The following ST6GALNAC5 variants were observed in gnomAD, a reference collection of about 807,000 sequenced individuals.
The protein encoded by ST6GALNAC5 is ST6 N-acetylgalactosaminide alpha-2,6-sialyltransferase 5, also known as alpha-N-acetylgalactosaminide alpha-2,6-sialyltransferase 5.
A neutral mutation model predicts 33.6 loss-of-function variants in ST6GALNAC5; 27 were observed. The observed-to-expected ratio is 0.80, with a 90% CI of 0.59 to 1.11. The LOEUF (loss-of-function observed/expected upper bound fraction) is 1.11. ST6GALNAC5 is among the 50% of genes least tolerant of loss of function. ST6GALNAC5 has a pLI of 0.00. For missense variants in ST6GALNAC5, 428 were observed against 454.0 expected (o/e 0.94, Z 0.52); for synonymous variants, 194 against 171.2 (o/e 1.13, Z -1.04).
intron 2 of ST6GALNAC5, among the ~76,000 whole-genome samples, chr1:76,989,457 A>G (rs1172265633): frequency 1.3e-5 from 2 of 152,114 alleles, no homozygotes; most frequent in African/African-American, 2.4e-5. Flanking sequence ...TCATGGCAAG[A>G]CATTTGTTCA....
At chr1:76,954,804 T>G (rs1023000242) in intron 2 of ST6GALNAC5, among the ~76,000 whole-genome samples, 2 of 152,158 alleles carry the variant, frequency 1.3e-5, no homozygotes, top group East Asian at 3.9e-4. Context: ...ATGGCCTCTG[T>G]GGTCAAATGG....
intron 2 of ST6GALNAC5, among the ~76,000 whole-genome samples, chr1:76,880,590 C>T (rs556708587): frequency 3.3e-5 from 5 of 152,220 alleles, no homozygotes; most frequent in South Asian, 2.1e-4. Context: ...GTCCAGTGTT[C>T]GAGGGCAGGA....
chr1:77,015,910 G>A lies in ST6GALNAC5; in HGVS notation c.262-28294G>A, dbSNP rs574671608. Among the ~76,000 whole-genome samples the A allele has an allele frequency of 3.0e-4, 46 of 152,068 alleles. 1 individual carries two copies. The highest frequency in any genetic ancestry group is 9.9e-4 in the African/African-American group (41 of 41,480). On this transcript the variant is annotated intron_variant, in intron 2 of 4. Coordinates refer to ENST00000477717, the MANE Select transcript of ST6GALNAC5 (RefSeq NM_030965.3). ...GCTGGAGAGACCCAGGGGCCTGTTC[G>A]GGGAGGCGTGTGTGAGCTTGTAAGT... is the stretch of plus-strand genomic sequence containing the variant.
At chr1:76,986,980 A>T (rs536379890) in intron 2 of ST6GALNAC5, among the ~76,000 whole-genome samples, 2 of 152,166 alleles carry the variant, frequency 1.3e-5, no homozygotes, top group African/African-American at 4.8e-5. Flanking sequence ...GATCAGTTGG[A>T]CACAGGGCAA....
intron 2 of ST6GALNAC5, among the ~76,000 whole-genome samples, chr1:76,926,657 T>A (rs762308254): frequency 2.6e-5 from 4 of 152,188 alleles, no homozygotes; most frequent in Non-Finnish European, 2.9e-5. Flanking sequence ...TCCTTGTACA[T>A]GCATTCTTGT....
intron 2 of ST6GALNAC5, among the ~76,000 whole-genome samples, chr1:77,012,133 T>A (rs1272442414): frequency 6.6e-6 from 1 of 152,188 alleles, no homozygotes; most frequent in East Asian, 1.9e-4. Flanking sequence ...AAAATTTGAT[T>A]AGAGAGAGTT....
At chr1:76,893,207 T>C (rs1185111473) in intron 2 of ST6GALNAC5, among the ~76,000 whole-genome samples, 3 of 151,788 alleles carry the variant, frequency 2.0e-5, no homozygotes, top group African/African-American at 2.4e-5. Flanking sequence ...ACAGTAAAAG[T>C]TTGTTAATAA....
At chr1:77,011,846 CTGTA>C (rs1293323737) in intron 2 of ST6GALNAC5, among the ~76,000 whole-genome samples, 1 of 152,026 alleles carries the variant, frequency 6.6e-6, no homozygotes, top group South Asian at 2.1e-4. Flanking sequence ...AATATAGTAA[CTGTA>C]TGTAAGTACT....
At chr1:77,023,668 A>C (rs908392897) in intron 2 of ST6GALNAC5, among the ~76,000 whole-genome samples, 2 of 152,224 alleles carry the variant, frequency 1.3e-5, no homozygotes, top group South Asian at 2.1e-4. Flanking sequence ...AGTTAGATTG[A>C]GAGTGGGCAG....
At chr1:76,905,269 G>A (rs189079464) in intron 2 of ST6GALNAC5, among the ~76,000 whole-genome samples, 45 of 152,120 alleles carry the variant, frequency 3.0e-4, no homozygotes, top group Non-Finnish European at 5.7e-4. Flanking sequence ...TCACAGTTAC[G>A]GGGCTATTAT....
intron 2 of ST6GALNAC5, among the ~76,000 whole-genome samples, chr1:76,919,749 A>G (rs577105910): frequency 6.6e-6 from 1 of 152,278 alleles, no homozygotes; most frequent in South Asian, 2.1e-4. Context: ...ACAAACAAAC[A>G]AACAAACTTC....
In ST6GALNAC5 at chr1:77,064,274, T is replaced by C. The variant is rs1175816810; in HGVS notation, c.*1068T>C. On this transcript the variant is annotated 3_prime_UTR_variant, in exon 5 of 5. Coordinates refer to ENST00000477717, the MANE Select transcript of ST6GALNAC5 (RefSeq NM_030965.3). Reference sequence around the variant, plus strand: ...AGGAACTTTATTTTGGGGAGCCTTATCTACATTCATATTACTTATATCACT... The same window carrying C: ...AGGAACTTTATTTTGGGGAGCCTTACCTACATTCATATTACTTATATCACT... The C allele has an allele frequency of 6.6e-6, 1 of 152,106 alleles. No individual in the cohort carries two copies. Among genetic ancestry groups the C allele is most frequent in the Non-Finnish European group, 1.5e-5 (1 of 68,014 alleles). The allele number at this position is 152,106 out of a possible 1,614,324, so 9.4% of individuals were successfully genotyped here.
chr1:76,953,894 T>C (rs551437920), intron 2 of ST6GALNAC5, among the ~76,000 whole-genome samples: 1 of 152,272 alleles, frequency 6.6e-6, no homozygotes, highest in Non-Finnish European at 1.5e-5. Flanking sequence ...CCGTGTTGTT[T>C]GTTCAAAGTT....
At chr1:76,912,442 T>C (rs993283919) in intron 2 of ST6GALNAC5, among the ~76,000 whole-genome samples, 7 of 152,060 alleles carry the variant, frequency 4.6e-5, no homozygotes, top group Non-Finnish European at 7.4e-5. Flanking sequence ...CTATTAGGTC[T>C]GCTTGGTGCA....
intron 2 of ST6GALNAC5, among the ~76,000 whole-genome samples, chr1:76,919,543 A>C (rs1647010403): frequency 6.6e-6 from 1 of 152,094 alleles, no homozygotes; most frequent in East Asian, 1.9e-4. Context: ...TGTCTTTTGG[A>C]GGAAATTTAC....
intron 2 of ST6GALNAC5, among the ~76,000 whole-genome samples, chr1:76,992,140 T>C (rs779364272): frequency 1.9e-4 from 29 of 152,188 alleles, no homozygotes; most frequent in Non-Finnish European, 2.8e-4. Flanking sequence ...TATAAATTCA[T>C]GGTTAAGGCA....
chr1:76,915,861 A>G (rs1646967096), intron 2 of ST6GALNAC5, among the ~76,000 whole-genome samples: 2 of 149,800 alleles, frequency 1.3e-5, no homozygotes, highest in Admixed American at 1.3e-4. Context: ...AATTAAAAAA[A>G]GAATGAAAAA....
intron 2 of ST6GALNAC5, among the ~76,000 whole-genome samples, chr1:77,019,189 T>G (rs1236434566): frequency 1.3e-5 from 2 of 152,190 alleles, no homozygotes; most frequent in Non-Finnish European, 2.9e-5. Flanking sequence ...GCAGAGGGAT[T>G]AAATACTTAC....
Position 77,052,977 on chromosome 1 carries a change from C to A in ST6GALNAC5, c.779+2612C>A, listed in dbSNP as rs1652279764. On this transcript the variant is annotated intron_variant, in intron 4 of 4. Transcript: ENST00000477717. Reference sequence around the variant, plus strand: ...GGGCTTCAAAGACACAGCTTCTTGCCTCCTGGAGGCTTATAATAAGCCTTA... The same window carrying A: ...GGGCTTCAAAGACACAGCTTCTTGCATCCTGGAGGCTTATAATAAGCCTTA... 3.3e-5 allele frequency among the ~76,000 whole-genome samples: 5 copies of A among 151,292 alleles called. No homozygotes were observed. In the South Asian group the frequency reaches 1.0e-3, roughly 32 times the overall value.
Sources: allele counts gnomAD v4.1 joint callset (sites outside exome capture counted in the v4.1 genomes callset), GRCh38; gene constraint gnomAD v4.1.1; transcripts MANE v1.5; gene names NCBI Gene and HGNC (gene_info 2026-07-23, HGNC 2026-07-21).